FOXN3: variants seen among roughly 807,000 people sequenced by gnomAD.
The protein encoded by FOXN3 is forkhead box protein N3.
A neutral mutation model predicts 38.4 loss-of-function variants in FOXN3; 7 were observed. The ratio of observed to expected loss-of-function variants is 0.18; its 90% CI spans 0.10 to 0.34. The LOEUF is 0.34. Among genes scored for constraint, FOXN3 ranks in the 10% least tolerant of loss-of-function variants. FOXN3 has a pLI of 1.00. For synonymous variants in FOXN3, 230 were observed against 242.2 expected, an observed-to-expected ratio of 0.95 and a Z score of 0.47; for missense variants, 456 against 613.4, an observed-to-expected ratio of 0.74 and a Z score of 2.71.
chr14:89,216,664 T>G (rs1313230746), intron 4 of FOXN3, among the ~76,000 whole-genome samples: 1 of 152,238 alleles, frequency 6.6e-6, no homozygotes, highest in East Asian at 1.9e-4. Flanking sequence ...TGGCCCTTGC[T>G]GAACCAAATG....
chr14:89,256,236 C>A (rs535615051), intron 4 of FOXN3, among the ~76,000 whole-genome samples: 1 of 152,194 alleles, frequency 6.6e-6, no homozygotes, highest in African/African-American at 2.4e-5. Context: ...AGGCTCTCCA[C>A]ACAATATGCT....
chr14:89,368,688 A>G lies in FOXN3; in HGVS notation c.544-17880T>C, dbSNP rs371086947. ...AAACCTGAACCCCAGTCACTAAGGT[A>G]TTCACCTCAGCTACTACAGTGACCT... is the stretch of plus-strand genomic sequence containing the variant. On this transcript the variant is annotated intron_variant, in intron 2 of 5. Transcript: ENST00000557258. Among the ~76,000 whole-genome samples the G allele has an allele frequency of 1.0e-3, 157 of 152,222 alleles. 1 individual carries two copies. The highest frequency in any genetic ancestry group is 3.5e-3 in the African/African-American group (145 of 41,524).
At chr14:89,329,453 C>G (rs905760446) in intron 3 of FOXN3, among the ~76,000 whole-genome samples, 1 of 152,134 alleles carries the variant, frequency 6.6e-6, no homozygotes, top group African/African-American at 2.4e-5. Context: ...AGACGTTTTC[C>G]ATCACCACAA....
chr14:89,268,453 A>G (rs1479292686), intron 4 of FOXN3, among the ~76,000 whole-genome samples: 3 of 152,220 alleles, frequency 2.0e-5, no homozygotes, highest in African/African-American at 7.2e-5. Context: ...TAACACTGTT[A>G]ATTAGAAACA....
chr14:89,442,694 G>C (rs1338676521), intron 1 of FOXN3, among the ~76,000 whole-genome samples: 1 of 152,036 alleles, frequency 6.6e-6, no homozygotes, highest in Non-Finnish European at 1.5e-5. Flanking sequence ...ATGACTGGCT[G>C]TCTACTGCTT....
At chr14:89,314,508 A>G (rs1887665780) in intron 3 of FOXN3, among the ~76,000 whole-genome samples, 1 of 152,238 alleles carries the variant, frequency 6.6e-6, no homozygotes, top group Non-Finnish European at 1.5e-5. Flanking sequence ...TGTGACCATT[A>G]AAATGTCTAG....
rs78007953 is a variant in FOXN3 at position 89,325,462 on chromosome 14, C to T, written c.680+25210G>A. 1.3e-3 allele frequency among the ~76,000 whole-genome samples: 202 copies of T among 152,242 alleles called. 1 individual carries two copies. Among genetic ancestry groups the T allele is most frequent in the African/African-American group, 4.5e-3 (188 of 41,558 alleles). Reference sequence around the variant, plus strand: ...CATGTCAGAGACCCAGAGACTGAGGCTACTGGGGCCCTTTCTTCTTCTTCC... The same window carrying T: ...CATGTCAGAGACCCAGAGACTGAGGTTACTGGGGCCCTTTCTTCTTCTTCC... On this transcript the variant is annotated intron_variant, in intron 3 of 5. Coordinates refer to ENST00000557258, the MANE Select transcript of FOXN3 (RefSeq NM_005197.4).
chr14:89,258,308 A>G (rs1328010339), intron 4 of FOXN3, among the ~76,000 whole-genome samples: 2 of 152,208 alleles, frequency 1.3e-5, no homozygotes, highest in African/African-American at 2.4e-5. Flanking sequence ...GGAGGAGAAA[A>G]GGAAAGGGGA....
chr14:89,395,510 G>A (rs1891077455), intron 2 of FOXN3, among the ~76,000 whole-genome samples: 2 of 152,206 alleles, frequency 1.3e-5, no homozygotes, highest in South Asian at 2.1e-4. Context: ...GCCCAGCACA[G>A]CATCTCATAT....
At chr14:89,510,164 A>G (rs2139804779) in intron 1 of FOXN3, among the ~76,000 whole-genome samples, 1 of 152,324 alleles carries the variant, frequency 6.6e-6, no homozygotes, top group South Asian at 2.1e-4. Flanking sequence ...TCCATGATGC[A>G]CATGAAAACC....
At chr14:89,366,009 T>C (rs986468581) in intron 2 of FOXN3, among the ~76,000 whole-genome samples, 11 of 152,152 alleles carry the variant, frequency 7.2e-5, no homozygotes, top group African/African-American at 2.7e-4. Flanking sequence ...CCCAGCACTT[T>C]GGGAGGCCGA....
rs573970383 is a variant in FOXN3 at position 89,416,289 on chromosome 14, A to G, written c.-15+582T>C. The stretch of plus-strand genomic sequence containing the variant: ...TATCCCCATATACAGGGCAATTGGG[A>G]GCTCGCATACCTTCACTGCCGGTCA... On this transcript the variant is annotated intron_variant, in intron 1 of 5. Transcript: ENST00000557258. Among the ~76,000 whole-genome samples the G allele has an allele frequency of 2.3e-3, 348 of 152,288 alleles. 8 individuals are homozygous for G. The highest frequency in any genetic ancestry group is 0.018 in the Admixed American group (268 of 15,306).
intron 1 of FOXN3, among the ~76,000 whole-genome samples, chr14:89,458,715 C>T (rs541622348): frequency 1.3e-5 from 2 of 152,180 alleles, no homozygotes; most frequent in African/African-American, 2.4e-5. Context: ...GCTATTTTGT[C>T]GGGGGTGTGG....
Position 89,311,166 on chromosome 14 carries a change from T to C in FOXN3, c.681-30152A>G, listed in dbSNP as rs539110841. Among the ~76,000 whole-genome samples the C allele has an allele frequency of 3.4e-5, 5 of 147,058 alleles. No individual in the cohort carries two copies. In the South Asian group the frequency reaches 1.1e-3, roughly 32 times the overall value. ...AATCTTATATCTTTTAAAAAAAAGA[T>C]CTTTAAAAATACCTTGTATCTTTTA... On this transcript the variant is annotated intron_variant, in intron 3 of 5. Transcript: ENST00000557258.
chr14:89,464,886 T>C lies in FOXN3; in HGVS notation c.-14-52396A>G, dbSNP rs557674418. Among the ~76,000 whole-genome samples, 16 of 152,004 alleles carry C rather than the reference T, an allele frequency of 1.1e-4. No homozygotes were observed. In the South Asian group the frequency reaches 2.7e-3, roughly 26 times the overall value. ...CTAATTTTTGTACTTTTGGTAGAGA[T>C]TGAGTTTCACCATGTTGGCCAAGCT... On this transcript the variant is annotated intron_variant, in intron 1 of 6. Transcript: ENST00000345097.
At chr14:89,186,402 T>C (rs1305397657) in intron 4 of FOXN3, among the ~76,000 whole-genome samples, 2 of 152,038 alleles carry the variant, frequency 1.3e-5, no homozygotes, top group South Asian at 2.1e-4. Flanking sequence ...AGATGAGTAA[T>C]GGAGATCTGG....
At chr14:89,396,333 C>T (rs1466337311) in intron 2 of FOXN3, among the ~76,000 whole-genome samples, 1 of 152,186 alleles carries the variant, frequency 6.6e-6, no homozygotes, top group Non-Finnish European at 1.5e-5. Flanking sequence ...TGCACTGATG[C>T]AGAGAAAAGA....
chr14:89,479,372 G>T (rs1893277647), intron 1 of FOXN3, among the ~76,000 whole-genome samples: 2 of 152,198 alleles, frequency 1.3e-5, no homozygotes, highest in South Asian at 4.1e-4. Context: ...GGACCCTGTT[G>T]CAAAGTCATT....
intron 4 of FOXN3, among the ~76,000 whole-genome samples, chr14:89,224,618 T>A (rs1478315708): frequency 6.6e-6 from 1 of 152,190 alleles, no homozygotes; most frequent in Admixed American, 6.5e-5. Flanking sequence ...CTAACAATCA[T>A]CTGGTAGGAG....
Sources: gnomAD v4.1 joint callset for allele counts (sites outside exome capture counted in the v4.1 genomes callset) on GRCh38, gnomAD v4.1.1 for gene constraint, MANE v1.5 for transcripts, NCBI Gene and HGNC (gene_info 2026-07-23, HGNC 2026-07-21) for gene names.